Variants in ARPP21 observed in about 807,000 individuals in gnomAD.
The protein encoded by ARPP21 is cAMP regulated phosphoprotein 21.
In ARPP21, 69 loss-of-function variants were observed where a neutral mutation model predicts 113.2. That is an observed-to-expected ratio of 0.61 (90% CI 0.50 to 0.74). The LOEUF (loss-of-function observed/expected upper bound fraction) is 0.74, where lower values mean the gene tolerates loss of function less well. Among genes scored for constraint, ARPP21 ranks in the 30% least tolerant of loss-of-function variants. The pLI is 0.00. For missense variants in ARPP21, 1,070 were observed against 1,037.4 expected, an observed-to-expected ratio of 1.03 and a Z score of -0.43; for synonymous variants, 368 against 375.5, an observed-to-expected ratio of 0.98 and a Z score of 0.23.
intron 19 of ARPP21, among the ~76,000 whole-genome samples, chr3:35,782,929 C>A (rs28372390): frequency 0.022 from 3,358 of 152,188 alleles, 128 homozygotes; most frequent in African/African-American, 0.074. Flanking sequence ...GGCTGATGTA[C>A]CCATCACTAG....
chr3:35,661,690 G>A (rs893564500), intron 1 of ARPP21, among the ~76,000 whole-genome samples: 5 of 152,140 alleles, frequency 3.3e-5, no homozygotes, highest in Admixed American at 3.3e-4. Flanking sequence ...TCTCAAAAGA[G>A]TACTTTTGTA....
At chr3:35,665,818 T>G (rs1374569574) in intron 1 of ARPP21, among the ~76,000 whole-genome samples, 3 of 152,178 alleles carry the variant, frequency 2.0e-5, no homozygotes, top group African/African-American at 7.2e-5. Flanking sequence ...CAGTCATCGT[T>G]GTAATGCTTG....
intron 19 of ARPP21, among the ~76,000 whole-genome samples, chr3:35,748,980 G>A (rs193183122): frequency 2.6e-5 from 4 of 152,174 alleles, no homozygotes; most frequent in East Asian, 3.9e-4. Flanking sequence ...GCACCCAGAC[G>A]TGACTGGTTT....
chr3:35,728,097 C>A (rs1315595243), intron 14 of ARPP21, among the ~76,000 whole-genome samples: 2 of 150,046 alleles, frequency 1.3e-5, no homozygotes, highest in African/African-American at 4.9e-5. Context: ...ATTGATAAGA[C>A]TTCTTCAAAT....
chr3:35,683,616 A>G, intron 4 of ARPP21, 110 bp from the exon 5 acceptor site: 1 of 673,118 alleles, frequency 1.5e-6, no homozygotes, highest in South Asian at 1.7e-5. Context: ...GGTTTTAAAA[A>G]TCTCATTTGG....
intron 5 of ARPP21, chr3:35,685,361 C>A (rs1271095116): frequency 1.0e-6 from 1 of 985,192 alleles, no homozygotes; most frequent in Non-Finnish European, 1.2e-6. Flanking sequence ...GCAAGCCTCT[C>A]TTTGGATTGG....
rs562269920 is a variant in ARPP21, at chr3:35,647,445, G to A, written c.-213+7047G>A. 4.6e-5 allele frequency among the ~76,000 whole-genome samples: 7 copies of A among 152,198 alleles called. No homozygotes were observed. In the East Asian group the frequency reaches 1.2e-3, roughly 25 times the overall value. The stretch of plus-strand genomic sequence containing the variant: ...AGTAATAGAGAGGTTGTATACCAAA[G>A]GTAGGCTAGTAGCTTATCTGAGAGG... On this transcript the variant is annotated intron_variant, in intron 1 of 20. Transcript: ENST00000684406.
At chr3:35,681,496 T>A (rs1205108859) in intron 2 of ARPP21, 2 of 370,568 alleles carry the variant, frequency 5.4e-6, no homozygotes, top group African/African-American at 2.0e-5. Flanking sequence ...TGGCAAGGTG[T>A]ATTCACAAGT....
At chr3:35,717,442 A>G in intron 13 of ARPP21, 85 bp downstream of exon 13, 1 of 843,318 alleles carries the variant, frequency 1.2e-6, no homozygotes, top group Non-Finnish European at 2.0e-6. Flanking sequence ...CTCGTGTAAA[A>G]TATATCTGTT....
intron 19 of ARPP21, among the ~76,000 whole-genome samples, chr3:35,749,431 C>CAAAAAAA (rs61007987): frequency 1.6e-4 from 16 of 100,764 alleles, no homozygotes; most frequent in Non-Finnish European, 2.2e-4. Context: ...TTCCTAAAAG[C>CAAAAAAA]AAAAAAAAAA....
At chr3:35,664,005 TGTTC>T (rs1472858373) in intron 1 of ARPP21, among the ~76,000 whole-genome samples, 14 of 152,226 alleles carry the variant, frequency 9.2e-5, no homozygotes. Flanking sequence ...CAGTCGTCCG[TGTTC>T]TTGGCAAATT....
intron 3 of ARPP21, among the ~76,000 whole-genome samples, 171 bp downstream of exon 3, chr3:35,682,051 C>T (rs910160070): frequency 7.9e-5 from 12 of 151,818 alleles, no homozygotes; most frequent in African/African-American, 1.2e-4. Flanking sequence ...CTAACCCAAC[C>T]GTGCTCTAAA....
At chr3:35,663,588 TGATCGGAGACA>T in intron 1 of ARPP21, among the ~76,000 whole-genome samples, 1 of 152,144 alleles carries the variant, frequency 6.6e-6, no homozygotes, top group Middle Eastern at 3.4e-3. Flanking sequence ...CCTCCCGTGT[TGATCGGAGACA>T]GATCTGGAGG....
At chr3:35,784,633 A>G (rs973086709) in intron 19 of ARPP21, among the ~76,000 whole-genome samples, 1 of 152,118 alleles carries the variant, frequency 6.6e-6, no homozygotes, top group Non-Finnish European at 1.5e-5. Context: ...TCTTTGCCCT[A>G]GAAAACTACT....
At chr3:35,707,918 A>G (rs189832384) in intron 10 of ARPP21, among the ~76,000 whole-genome samples, 25 of 152,298 alleles carry the variant, frequency 1.6e-4, no homozygotes, top group East Asian at 1.5e-3. Context: ...ATGCCATTAC[A>G]ATTATACTTT....
At chr3:35,791,400 GT>G (rs2096744621) in intron 19 of ARPP21, among the ~76,000 whole-genome samples, 1 of 152,064 alleles carries the variant, frequency 6.6e-6, no homozygotes, top group African/African-American at 2.4e-5. Context: ...GCTCTACATG[GT>G]TAATAATATG....
At chr3:35,654,376 A>T (rs991958545) in intron 1 of ARPP21, among the ~76,000 whole-genome samples, 1 of 152,096 alleles carries the variant, frequency 6.6e-6, no homozygotes, top group South Asian at 2.1e-4. Context: ...TCCTCTGTAA[A>T]CTCAGGGAAA....
chr3:35,701,209 G>A (rs2086249931), intron 9 of ARPP21, among the ~76,000 whole-genome samples: 1 of 151,388 alleles, frequency 6.6e-6, no homozygotes, highest in Non-Finnish European at 1.5e-5. Flanking sequence ...GAAATGTTTT[G>A]ATAATCTCAA....
chr3:35,733,637 G>A (rs2094148559), intron 15 of ARPP21, among the ~76,000 whole-genome samples: 1 of 152,196 alleles, frequency 6.6e-6, no homozygotes, highest in Admixed American at 6.5e-5. Flanking sequence ...GGAATATAGA[G>A]AGGCTGTCAT....
Sources: allele counts gnomAD v4.1 joint callset (sites outside exome capture counted in the v4.1 genomes callset), GRCh38; gene constraint gnomAD v4.1.1; transcripts MANE v1.5; gene names NCBI Gene and HGNC (gene_info 2026-07-23, HGNC 2026-07-21).